Variants in LIMCH1 observed in about 807,000 individuals in gnomAD.
The protein encoded by LIMCH1 is LIM and calponin homology domains 1, also known as LIM and calponin homology domains-containing protein 1.
Under a neutral mutation model 176.5 loss-of-function variants are expected in LIMCH1, and 113 were observed. The ratio of observed to expected loss-of-function variants is 0.64; its 90% CI spans 0.55 to 0.75. The LOEUF (loss-of-function observed/expected upper bound fraction) is 0.75, where lower values mean the gene tolerates loss of function less well. Ranked by LOEUF, LIMCH1 falls within the 30% of genes least tolerant of loss-of-function variation. The pLI, the probability that LIMCH1 is intolerant of heterozygous loss-of-function variation, is 0.00. For missense variants in LIMCH1, 1,674 were observed against 1,814.9 expected, an observed-to-expected ratio of 0.92 and a Z score of 1.41; for synonymous variants, 619 against 645.9, an observed-to-expected ratio of 0.96 and a Z score of 0.63.
intron 10 of LIMCH1, among the ~76,000 whole-genome samples, chr4:41,632,483 C>T (rs528269127): frequency 3.3e-5 from 5 of 152,194 alleles, no homozygotes; most frequent in South Asian, 2.1e-4. Context: ...ATAAGAAATA[C>T]GTCCTCGAGG....
chr4:41,409,677 A>T (rs1249258269), intron 1 of LIMCH1, among the ~76,000 whole-genome samples: 1 of 152,204 alleles, frequency 6.6e-6, no homozygotes, highest in Non-Finnish European at 1.5e-5. Context: ...CGGTTCCTAT[A>T]AATGAGGTCC....
At position 41,360,935 on chromosome 4, in the gene LIMCH1, A is replaced by G; in HGVS notation, c.95A>G (p.Glu32Gly). 6.3e-7 allele frequency: 1 copy of G among 1,575,228 alleles called. No homozygotes were observed. Among genetic ancestry groups the G allele is most frequent in the African/African-American group, 1.4e-5 (1 of 73,156 alleles). The change falls in exon 1 of 27, where the codon GAG becomes GGG. Residue 32 changes from glutamate (E) to glycine (G), a missense_variant and splice_region_variant. Coordinates refer to the LIMCH1 transcript ENST00000313860. The surrounding 1 kb of genome is among the most constrained non-coding windows in gnomAD (Gnocchi z 4.5). Reference sequence around the variant, plus strand: ...TTCTCCGAGGCGCAGAAGTGGATTGAGGTAGGTGCGGGTGGCTGGCGGGCG... The same window carrying G: ...TTCTCCGAGGCGCAGAAGTGGATTGGGGTAGGTGCGGGTGGCTGGCGGGCG...
At chr4:41,412,745 A>G (rs1260722032) in intron 1 of LIMCH1, among the ~76,000 whole-genome samples, 1 of 152,208 alleles carries the variant, frequency 6.6e-6, no homozygotes, top group Non-Finnish European at 1.5e-5. Context: ...GCTGGGATTG[A>G]AACACATCCT....
chr4:41,653,946 T>C (rs1267448703), intron 18 of LIMCH1, among the ~76,000 whole-genome samples: 2 of 152,242 alleles, frequency 1.3e-5, no homozygotes, highest in African/African-American at 2.4e-5. Flanking sequence ...ATCACCTTTA[T>C]GGTAATAAGA....
intron 1 of LIMCH1, among the ~76,000 whole-genome samples, chr4:41,423,901 A>C (rs557064748): frequency 1.2e-4 from 18 of 152,080 alleles, no homozygotes; most frequent in Non-Finnish European, 2.5e-4. Flanking sequence ...GTGAAGTAGC[A>C]TAGGGCATCT....
At chr4:41,478,238 C>A (rs554272383) in intron 1 of LIMCH1, among the ~76,000 whole-genome samples, 1 of 152,314 alleles carries the variant, frequency 6.6e-6, no homozygotes, top group East Asian at 1.9e-4. Context: ...CTACTCAAAT[C>A]AAAAATTAGT....
At chr4:41,673,624 C>T (rs1036490483) in intron 22 of LIMCH1, among the ~76,000 whole-genome samples, 1 of 152,064 alleles carries the variant, frequency 6.6e-6, no homozygotes, top group African/African-American at 2.4e-5. Context: ...CAGAGGCCCT[C>T]GGGACTATGA....
chr4:41,669,965 A>T (rs1002111808), intron 21 of LIMCH1, among the ~76,000 whole-genome samples: 1 of 152,184 alleles, frequency 6.6e-6, no homozygotes, highest in Non-Finnish European at 1.5e-5. Flanking sequence ...GTCACTGAAG[A>T]TCTGCTGATC....
chr4:41,494,320 CAT>C (rs1333545227), intron 1 of LIMCH1, among the ~76,000 whole-genome samples: 1 of 149,008 alleles, frequency 6.7e-6, no homozygotes, highest in Non-Finnish European at 1.5e-5. Context: ...TATATACACA[CAT>C]ACATATATAT....
intron 1 of LIMCH1, among the ~76,000 whole-genome samples, chr4:41,431,579 T>C (rs917335940): frequency 6.6e-6 from 1 of 152,224 alleles, no homozygotes; most frequent in Admixed American, 6.5e-5. Flanking sequence ...GTAAAAGGCA[T>C]CTAGCTGAAT....
chr4:41,488,343 T>G (rs1252132166), intron 1 of LIMCH1, among the ~76,000 whole-genome samples: 1 of 152,188 alleles, frequency 6.6e-6, no homozygotes, highest in Non-Finnish European at 1.5e-5. Flanking sequence ...ATGGACAGAT[T>G]CTGGGAAAAA....
chr4:41,633,690 A>T lies in LIMCH1; in HGVS notation c.1972A>T (p.Arg658Ter), dbSNP rs2093441271. 7 of 1,536,196 alleles carry T rather than the reference A, an allele frequency of 4.6e-6. No homozygotes were observed. Among genetic ancestry groups the T allele is most frequent in the Non-Finnish European group, 6.1e-6 (7 of 1,146,918 alleles). Residue 658 changes from arginine to a stop codon, truncating the protein, a stop_gained, in exon 13 of 32, where the codon AGA becomes TGA. Coordinates refer to ENST00000503057, the MANE Select transcript of LIMCH1 (RefSeq NM_001330672.2). LOFTEE classifies it high-confidence loss of function. ...DSRKDDMMAR[R>*]TGMSLRHTGS... is the part of the protein sequence containing the mutation. Reference sequence around the variant, plus strand: ...ACGAAAAGATGACATGATGGCCAGGAGAACTGGGATGTCCCTTAGACACAC... The same window carrying T: ...ACGAAAAGATGACATGATGGCCAGGTGAACTGGGATGTCCCTTAGACACAC...
Position 41,631,190 on chromosome 4 carries a change from A to G in LIMCH1, c.1314A>G (p.Pro438=), listed in dbSNP as rs2093303726. The G allele has an allele frequency of 6.5e-7, 1 of 1,535,866 alleles. No homozygotes were observed. Among genetic ancestry groups the G allele is most frequent in the Admixed American group, 2.0e-5 (1 of 50,948 alleles). Residue 438 remains proline (P), a synonymous_variant, in exon 10 of 32, where the codon CCA becomes CCG. Coordinates refer to ENST00000503057, the MANE Select transcript of LIMCH1 (RefSeq NM_001330672.2). ...VQHICASEPS[P]EIKAETAIRD... Reference sequence around the variant, plus strand: ...ACATCTGTGCTTCTGAGCCTTCCCCAGAAATTAAAGCAGAAACTGCCATTC... The same window carrying G: ...ACATCTGTGCTTCTGAGCCTTCCCCGGAAATTAAAGCAGAAACTGCCATTC...
intron 1 of LIMCH1, among the ~76,000 whole-genome samples, chr4:41,595,653 A>G (rs1463712683): frequency 6.6e-6 from 1 of 152,232 alleles, no homozygotes; most frequent in East Asian, 1.9e-4. Flanking sequence ...TTTAGTTCAT[A>G]TTATTAAGTG....
At chr4:41,686,243 A>G (rs78306290) in intron 28 of LIMCH1, among the ~76,000 whole-genome samples, 5,364 of 152,246 alleles carry the variant, frequency 0.035, 207 homozygotes, top group East Asian at 0.098. Flanking sequence ...TTTGTAAGAA[A>G]GTATTTTTGA....
In LIMCH1 at chr4:41,650,606, G is replaced by T. The variant is rs758843491; in HGVS notation, c.3034G>T (p.Ala1012Ser). 2 of 1,611,472 alleles carry T rather than the reference G, an allele frequency of 1.2e-6. No individual in the cohort carries two copies. The highest frequency in any genetic ancestry group is 1.1e-5 in the South Asian group (1 of 90,636). ...KKPNSVPQEL[A>S]ATTEKTEPNS... ...GCCAAACTCTGTTCCCCAAGAGCTC[G>T]CAGTAAGAACCAAACATTTCCCCGC... Residue 1012 changes from alanine (A) to serine (S), a missense_variant and splice_region_variant, in exon 18 of 32, where the codon GCA (alanine) becomes TCA (serine). This residue lies in a region of LIMCH1 where 1,015 missense variants were observed against 1,102.5 expected (regional missense o/e 0.92). Coordinates refer to ENST00000503057, the MANE Select transcript of LIMCH1 (RefSeq NM_001330672.2).
intron 1 of LIMCH1, among the ~76,000 whole-genome samples, chr4:41,560,404 A>G (rs891878491): frequency 6.6e-6 from 1 of 152,166 alleles, no homozygotes; most frequent in Non-Finnish European, 1.5e-5. Context: ...TCTGACTGTC[A>G]TTTACCTTAT....
intron 10 of LIMCH1, among the ~76,000 whole-genome samples, chr4:41,631,709 A>T (rs997946790): frequency 6.6e-6 from 1 of 152,240 alleles, no homozygotes; most frequent in Non-Finnish European, 1.5e-5. Flanking sequence ...GGGAATGCCA[A>T]TAATCTTGGC....
chr4:41,659,061 T>C (rs2094540328), intron 18 of LIMCH1, among the ~76,000 whole-genome samples: 1 of 152,196 alleles, frequency 6.6e-6, no homozygotes, highest in South Asian at 2.1e-4. Flanking sequence ...ACCCAACTTA[T>C]TCTTTTGCAA....
Sources: allele counts gnomAD v4.1 joint callset (sites outside exome capture counted in the v4.1 genomes callset), GRCh38; gene constraint gnomAD v4.1.1; regional missense constraint gnomAD v4.1.1; non-coding constraint Gnocchi (gnomAD v3.1); transcripts MANE v1.5; gene names NCBI Gene and HGNC (gene_info 2026-07-23, HGNC 2026-07-21).